Variants in LRCH1 observed in about 807,000 individuals in gnomAD.
LRCH1 encodes leucine rich repeats and calponin homology domain containing 1, also known as leucine-rich repeat and calponin homology domain-containing protein 1.
In LRCH1, 23 loss-of-function variants were observed where a neutral mutation model predicts 94.9. The ratio of observed to expected loss-of-function variants is 0.24; its 90% CI spans 0.17 to 0.34. LRCH1 has a LOEUF of 0.34. Among genes scored for constraint, LRCH1 ranks in the 10% least tolerant of loss-of-function variants. The probability of loss-of-function intolerance (pLI) is 1.00; values close to 1 mark genes in which losing one functional copy is unlikely to be tolerated. For missense variants in LRCH1, 790 were observed against 945.9 expected, an observed-to-expected ratio of 0.84 and a Z score of 2.16; for synonymous variants, 364 against 354.9, an observed-to-expected ratio of 1.03 and a Z score of -0.29.
chr13:46,671,535 A>G (rs535111774), intron 3 of LRCH1, among the ~76,000 whole-genome samples: 10 of 152,320 alleles, frequency 6.6e-5, no homozygotes, highest in Middle Eastern at 3.4e-3. Context: ...AGGGGGCAGG[A>G]AGACTCAATC....
chr13:46,583,817 G>A (rs2050400317), intron 1 of LRCH1, among the ~76,000 whole-genome samples: 1 of 150,620 alleles, frequency 6.6e-6, no homozygotes, highest in African/African-American at 2.4e-5. Flanking sequence ...CTGGAGTGCA[G>A]TGGCGCAATC....
chr13:46,699,995 G>A (rs557769023), intron 10 of LRCH1, among the ~76,000 whole-genome samples: 8 of 152,286 alleles, frequency 5.3e-5, no homozygotes, highest in African/African-American at 1.9e-4. Flanking sequence ...TTGCCGCAAG[G>A]TCACAGAGGG....
At position 46,669,039 on chromosome 13, in the gene LRCH1, G is replaced by A; in HGVS notation, c.462G>A (p.Gln154=). 6.2e-7 allele frequency: 1 copy of A among 1,613,816 alleles called. No individual in the cohort carries two copies. Among genetic ancestry groups the A allele is most frequent in the South Asian group, 1.1e-5 (1 of 91,072 alleles). Residue 154 remains glutamine, a synonymous_variant, in exon 3 of 20, where the codon CAG becomes CAA. Coordinates refer to ENST00000389797, the MANE Select transcript of LRCH1 (RefSeq NM_001164211.2). ...MLTYLNLSRN[Q]LSALPACLCG... is the part of the protein sequence containing the mutation. ...TGTATTGTCTTTGCAGTCGAAATCA[G>A]CTGTCCGCCCTGCCTGCCTGCCTGT...
At chr13:46,689,631 T>G (rs573473782) in intron 7 of LRCH1, among the ~76,000 whole-genome samples, 21 of 152,296 alleles carry the variant, frequency 1.4e-4, no homozygotes, top group Middle Eastern at 6.8e-3. Context: ...CATTTTATTT[T>G]AATAGTTGAT....
intron 1 of LRCH1, among the ~76,000 whole-genome samples, chr13:46,637,520 C>T (rs1361318424): frequency 6.6e-6 from 1 of 152,184 alleles, no homozygotes; most frequent in Non-Finnish European, 1.5e-5. Flanking sequence ...CCCTGGTGTG[C>T]CTGCAGTATG....
intron 1 of LRCH1, among the ~76,000 whole-genome samples, chr13:46,556,985 T>C (rs1257212175): frequency 6.6e-6 from 1 of 152,160 alleles, no homozygotes; most frequent in Non-Finnish European, 1.5e-5. Context: ...TTTTGCAGGA[T>C]AAATAGGATG....
At chr13:46,587,145 G>A (rs1277846520) in intron 1 of LRCH1, among the ~76,000 whole-genome samples, 1 of 152,192 alleles carries the variant, frequency 6.6e-6, no homozygotes, top group Non-Finnish European at 1.5e-5. Flanking sequence ...TGTAAAAATA[G>A]CACCCTACAG....
intron 1 of LRCH1, among the ~76,000 whole-genome samples, chr13:46,577,862 G>T (rs1420233244): frequency 1.3e-5 from 2 of 152,216 alleles, no homozygotes; most frequent in Non-Finnish European, 2.9e-5. Context: ...CCTCCAGACT[G>T]CTGTCATTTA....
intron 9 of LRCH1, among the ~76,000 whole-genome samples, chr13:46,695,681 T>G (rs930176548): frequency 6.6e-6 from 1 of 152,244 alleles, no homozygotes; most frequent in African/African-American, 2.4e-5. Flanking sequence ...TAAAGATTAT[T>G]GTTTTTGTAA....
intron 1 of LRCH1, among the ~76,000 whole-genome samples, chr13:46,588,997 A>G (rs1449873174): frequency 6.6e-6 from 1 of 151,688 alleles, no homozygotes; most frequent in Non-Finnish European, 1.5e-5. Context: ...GAACAGTTTG[A>G]GATTAATCAG....
rs770636160 is a variant in LRCH1, at chr13:46,701,193, G to T, written c.1386G>T (p.Leu462=). ...AGCTGAGAGAAGCAGTAGATTTGCTGCAAGATCCCAATGGGTGTGTATGTC... is the reference window on the plus strand; with the variant it reads ...AGCTGAGAGAAGCAGTAGATTTGCTTCAAGATCCCAATGGGTGTGTATGTC... ...IEQLREAVDL[L]QDPNGLSTDI... The change falls in exon 11 of 20, where the codon CTG becomes CTT. Residue 462 remains leucine, a synonymous_variant. Transcript: ENST00000389797. The T allele has an allele frequency of 6.2e-7, 1 of 1,612,776 alleles. No homozygotes were observed. Among genetic ancestry groups the T allele is most frequent in the South Asian group, 1.1e-5 (1 of 91,046 alleles).
intron 13 of LRCH1, among the ~76,000 whole-genome samples, chr13:46,706,079 C>G (rs114441331): frequency 6.6e-6 from 1 of 152,208 alleles, no homozygotes; most frequent in Non-Finnish European, 1.5e-5. Flanking sequence ...GTTTCACGCT[C>G]TTAACTTTGT....
intron 1 of LRCH1, among the ~76,000 whole-genome samples, chr13:46,617,399 A>C (rs1441871193): frequency 6.6e-6 from 1 of 152,190 alleles, no homozygotes; most frequent in Non-Finnish European, 1.5e-5. Flanking sequence ...TAAAATAAGG[A>C]TGTCGGCAAA....
At chr13:46,564,732 T>C (rs2050164013) in intron 1 of LRCH1, among the ~76,000 whole-genome samples, 1 of 152,238 alleles carries the variant, frequency 6.6e-6, no homozygotes, top group African/African-American at 2.4e-5. Flanking sequence ...AATTTTGGAA[T>C]TGGAAGCAAG....
chr13:46,567,324 A>G (rs192180793), intron 1 of LRCH1, among the ~76,000 whole-genome samples: 1 of 152,334 alleles, frequency 6.6e-6, no homozygotes, highest in Admixed American at 6.5e-5. Context: ...AATTTTATAG[A>G]TGAAATAGGG....
chr13:46,713,530 G>A (rs1872175978), intron 15 of LRCH1, among the ~76,000 whole-genome samples: 1 of 152,246 alleles, frequency 6.6e-6, no homozygotes, highest in Admixed American at 6.5e-5. Context: ...TCTTGGGGCA[G>A]GTTGATTGAT....
At chr13:46,646,146 T>C (rs2138071427) in intron 1 of LRCH1, among the ~76,000 whole-genome samples, 1 of 152,364 alleles carries the variant, frequency 6.6e-6, no homozygotes, top group Non-Finnish European at 1.5e-5. Context: ...AGTGTTGCTT[T>C]AATATTTTCC....
chr13:46,556,241 C>A (rs2050063998), intron 1 of LRCH1, among the ~76,000 whole-genome samples: 1 of 152,166 alleles, frequency 6.6e-6, no homozygotes, highest in African/African-American at 2.4e-5. Flanking sequence ...AGTCAGGCTT[C>A]TGGCAGCCAC....
At chr13:46,604,556 C>T (rs1482588052) in intron 1 of LRCH1, among the ~76,000 whole-genome samples, 3 of 152,302 alleles carry the variant, frequency 2.0e-5, no homozygotes, top group South Asian at 2.1e-4. Flanking sequence ...CCCTGTGATA[C>T]GGAATAAACA....
Sources: gnomAD v4.1 joint callset for allele counts (sites outside exome capture counted in the v4.1 genomes callset) on GRCh38, gnomAD v4.1.1 for gene constraint, MANE v1.5 for transcripts, NCBI Gene and HGNC (gene_info 2026-07-23, HGNC 2026-07-21) for gene names.